LRRTM4: variants seen among roughly 807,000 people sequenced by gnomAD.
LRRTM4 encodes the protein leucine-rich repeat transmembrane neuronal protein 4.
Under a neutral mutation model 47.6 loss-of-function variants are expected in LRRTM4, and 25 were observed. That is an observed-to-expected ratio of 0.53 (90% CI 0.38 to 0.73). The LOEUF (loss-of-function observed/expected upper bound fraction) is 0.73, where lower values mean the gene tolerates loss of function less well. LRRTM4 is among the 30% of genes least tolerant of loss of function. The probability of loss-of-function intolerance (pLI) is 0.00; values close to 1 mark genes in which losing one functional copy is unlikely to be tolerated. For missense variants in LRRTM4, 638 were observed against 713.4 expected (o/e 0.89, Z 1.20); for synonymous variants, 311 against 269.5 (o/e 1.15, Z -1.51).
At chr2:76,864,598 T>C (rs969949734) in intron 3 of LRRTM4, among the ~76,000 whole-genome samples, 4 of 150,144 alleles carry the variant, frequency 2.7e-5, no homozygotes, top group Non-Finnish European at 5.9e-5. Flanking sequence ...TGGCGGAGGT[T>C]GCAGTGAGCC....
At chr2:76,934,447 A>G (rs1208811206) in intron 3 of LRRTM4, among the ~76,000 whole-genome samples, 1 of 152,188 alleles carries the variant, frequency 6.6e-6, no homozygotes, top group Admixed American at 6.5e-5. Context: ...AGATGTCTCC[A>G]TTGTAAAATT....
intron 3 of LRRTM4, among the ~76,000 whole-genome samples, chr2:77,088,926 A>G (rs1680825550): frequency 6.6e-6 from 1 of 151,510 alleles, no homozygotes; most frequent in African/African-American, 2.4e-5. Context: ...CCTTCTCTTA[A>G]TTTCAATTCC....
chr2:77,424,354 G>A (rs750016399), intron 3 of LRRTM4, among the ~76,000 whole-genome samples: 95 of 152,156 alleles, frequency 6.2e-4, no homozygotes, highest in Non-Finnish European at 1.1e-3. Flanking sequence ...CATCCTCCAT[G>A]GAAAGAGCTT....
chr2:77,405,212 C>CCAAA, intron 3 of LRRTM4, among the ~76,000 whole-genome samples: 1 of 152,078 alleles, frequency 6.6e-6, no homozygotes, highest in East Asian at 1.9e-4. Flanking sequence ...CAAATTAATA[C>CCAAA]TATTCATTTT....
At chr2:76,912,851 C>G (rs1674118116) in intron 3 of LRRTM4, among the ~76,000 whole-genome samples, 1 of 152,174 alleles carries the variant, frequency 6.6e-6, no homozygotes, top group Non-Finnish European at 1.5e-5. Flanking sequence ...GTGCCTAGCT[C>G]ACCCTTTGCC....
chr2:77,477,758 G>T lies in LRRTM4; in HGVS notation c.1551+40560C>A, dbSNP rs554990536. 2.8e-3 allele frequency among the ~76,000 whole-genome samples: 416 copies of T among 148,828 alleles called. 4 individuals are homozygous for T. The highest frequency in any genetic ancestry group is 0.01 in the African/African-American group (405 of 40,404). On this transcript the variant is annotated intron_variant, in intron 3 of 3. Transcript: ENST00000409884. ...GGAGGCTATGGCAGGAGAATTCCTTGAACCCGGGAGGTAGAGGTTGCGGTG... is the reference window on the plus strand; with the variant it reads ...GGAGGCTATGGCAGGAGAATTCCTTTAACCCGGGAGGTAGAGGTTGCGGTG...
At chr2:76,808,890 A>G (rs1362535071) in intron 3 of LRRTM4, among the ~76,000 whole-genome samples, 1 of 152,008 alleles carries the variant, frequency 6.6e-6, no homozygotes, top group African/African-American at 2.4e-5. Flanking sequence ...GTTTTCCTCC[A>G]TTTCTTTTCC....
At position 76,772,575 on chromosome 2, in the gene LRRTM4, T is replaced by A. The variant is rs530132927; in HGVS notation, c.1552-23659A>T. Among the ~76,000 whole-genome samples the A allele has an allele frequency of 2.0e-5, 3 of 151,604 alleles. No individual in the cohort carries two copies. In the South Asian group the frequency reaches 6.2e-4, roughly 31 times the overall value. ...AATTTGACCAACCTTTGGACAGATA[T>A]TTTTTTTGGCCTATAAGCCCCTGAC... is the stretch of plus-strand genomic sequence containing the variant. On this transcript the variant is annotated intron_variant, in intron 3 of 3. Transcript: ENST00000409884.
chr2:76,951,847 G>C (rs1348563763), intron 3 of LRRTM4, among the ~76,000 whole-genome samples: 2 of 150,868 alleles, frequency 1.3e-5, no homozygotes, highest in African/African-American at 2.4e-5. Context: ...TGTTGTCATT[G>C]TTCAACTCCC....
At chr2:77,157,024 T>C (rs1672579235) in intron 3 of LRRTM4, among the ~76,000 whole-genome samples, 1 of 152,172 alleles carries the variant, frequency 6.6e-6, no homozygotes, top group African/African-American at 2.4e-5. Context: ...TAATAACAAT[T>C]GTTATTAAAT....
In LRRTM4 at chr2:77,212,470, T is replaced by TAG. The variant is rs1200612973; in HGVS notation, c.1551+305847_1551+305848insCT. On this transcript the variant is annotated intron_variant, in intron 3 of 3. Coordinates refer to ENST00000409884, the MANE Select transcript of LRRTM4 (RefSeq NM_001134745.3). ...TTAGTGGAATAATTATATATATATA[T>TAG]ATATAGAGAGAGAGAGAGAGAGAGC... Among the ~76,000 whole-genome samples, 96 of 146,284 alleles carry TAG rather than the reference T, an allele frequency of 6.6e-4. 2 individuals are homozygous for TAG. Among genetic ancestry groups the TAG allele is most frequent in the African/African-American group, 2.0e-3 (78 of 38,574 alleles).
chr2:76,900,310 G>T lies in LRRTM4; in HGVS notation c.1552-151394C>A, dbSNP rs181916790. 3.6e-3 allele frequency among the ~76,000 whole-genome samples: 531 copies of T among 149,228 alleles called. 1 individual carries two copies. The highest frequency in any genetic ancestry group is 0.013 in the African/African-American group (506 of 40,264). ...GTAGACGTATAGAGTGTGGGATACT[G>T]ATATATATAGTTTTTTGTAGATAAA... On this transcript the variant is annotated intron_variant, in intron 3 of 3. Transcript: ENST00000409884.
At chr2:76,820,377 T>C (rs1261142326) in intron 3 of LRRTM4, among the ~76,000 whole-genome samples, 2 of 151,798 alleles carry the variant, frequency 1.3e-5, no homozygotes, top group Non-Finnish European at 2.9e-5. Flanking sequence ...AAGGCTAGAT[T>C]AGGTCCTGGA....
chr2:77,331,274 G>T (rs1670964022), intron 3 of LRRTM4, among the ~76,000 whole-genome samples: 1 of 152,010 alleles, frequency 6.6e-6, no homozygotes, highest in African/African-American at 2.4e-5. Context: ...AATCCCAGTA[G>T]GCAAACCAAA....
At chr2:76,872,303 A>G (rs1335894228) in intron 3 of LRRTM4, among the ~76,000 whole-genome samples, 2 of 152,156 alleles carry the variant, frequency 1.3e-5, no homozygotes, top group Non-Finnish European at 2.9e-5. Context: ...GCAACATTGA[A>G]CCAGTAAGAA....
chr2:77,383,669 C>T (rs1003016574), intron 3 of LRRTM4, among the ~76,000 whole-genome samples: 2 of 152,008 alleles, frequency 1.3e-5, no homozygotes, highest in African/African-American at 4.8e-5. Flanking sequence ...CACAAAAATT[C>T]TAATATACCC....
chr2:77,147,532 G>T (rs1672292320), intron 3 of LRRTM4, among the ~76,000 whole-genome samples: 1 of 152,078 alleles, frequency 6.6e-6, no homozygotes. Flanking sequence ...CTTAACTTGG[G>T]TTTGCATTTT....
chr2:77,042,285 A>G (rs1240031438), intron 3 of LRRTM4, among the ~76,000 whole-genome samples: 2 of 151,524 alleles, frequency 1.3e-5, no homozygotes, highest in Non-Finnish European at 3.0e-5. Flanking sequence ...AAGAAAAAAT[A>G]GAAAGAAAGA....
chr2:77,014,227 G>A (rs777178615), intron 3 of LRRTM4, among the ~76,000 whole-genome samples: 124 of 151,994 alleles, frequency 8.2e-4, no homozygotes, highest in Non-Finnish European at 1.5e-3. Context: ...CAAAAGTAAC[G>A]GGAAGTAGGC....
Sources: allele counts gnomAD v4.1 joint callset (sites outside exome capture counted in the v4.1 genomes callset), GRCh38; gene constraint gnomAD v4.1.1; transcripts MANE v1.5; gene names NCBI Gene and HGNC (gene_info 2026-07-23, HGNC 2026-07-21).